The following TOP3A variants were observed in gnomAD, a reference collection of about 807,000 sequenced individuals.
TOP3A encodes the protein DNA topoisomerase 3-alpha.
In TOP3A, 64 loss-of-function variants were observed where a neutral mutation model predicts 111.3. The observed-to-expected ratio is 0.57, with a 90% CI of 0.47 to 0.71. The LOEUF is 0.71. TOP3A is among the 30% of genes least tolerant of loss of function. TOP3A has a pLI of 0.00. For missense variants in TOP3A, 1,104 were observed against 1,285.0 expected, an observed-to-expected ratio of 0.86 and a Z score of 2.15; for synonymous variants, 484 against 485.1, an observed-to-expected ratio of 1.00 and a Z score of 0.03.
At chr17:18,283,851 C>T (rs919748415) in intron 15 of TOP3A, among the ~76,000 whole-genome samples, 3 of 152,174 alleles carry the variant, frequency 2.0e-5, no homozygotes, top group Non-Finnish European at 4.4e-5. Flanking sequence ...CCGTTAATTA[C>T]AAAGGATCCA....
chr17:18,307,084 T>C (rs376134005), intron 3 of TOP3A, 118 bp from the exon 4 acceptor site: 48 of 679,462 alleles, frequency 7.1e-5, no homozygotes, highest in African/African-American at 6.9e-4. Context: ...AAGGTCCCGG[T>C]GAATTGAAAG....
At chr17:18,290,326 G>A (rs1597967248) in intron 13 of TOP3A, among the ~76,000 whole-genome samples, 1 of 152,348 alleles carries the variant, frequency 6.6e-6, no homozygotes, top group East Asian at 1.9e-4. Flanking sequence ...GGACAGCACA[G>A]TGCATGGTTT....
chr17:18,284,297 C>T (rs567348607), intron 15 of TOP3A, among the ~76,000 whole-genome samples: 2 of 152,118 alleles, frequency 1.3e-5, no homozygotes, highest in South Asian at 4.1e-4. Context: ...CAGGCGTGAG[C>T]CACCGTGCCT....
chr17:18,302,506 C>G (rs1341779594), intron 6 of TOP3A, 72 bp from the exon 7 acceptor site: 1 of 1,595,036 alleles, frequency 6.3e-7, no homozygotes, highest in Admixed American at 1.7e-5. Context: ...CTGCACATAT[C>G]GACACAGAGC....
intron 13 of TOP3A, among the ~76,000 whole-genome samples, chr17:18,288,550 T>C (rs1007499593): frequency 3.3e-5 from 5 of 152,218 alleles, no homozygotes; most frequent in Non-Finnish European, 5.9e-5. Flanking sequence ...TGTACCACCA[T>C]CTAAGCCCTT....
In TOP3A at chr17:18,306,985, CAG is replaced by C. The variant is rs758242964; in HGVS notation, c.315-21_315-20del. On this transcript the variant is annotated intron_variant, in intron 3 of 18. Coordinates refer to ENST00000321105, the MANE Select transcript of TOP3A (RefSeq NM_004618.5). ...GCTCTGCCTAGAAAAGAAATGAAAA[CAG>C]AGTCCCAACTCAGTACATGACAGAG... 1 of 1,593,588 alleles carries C rather than the reference CAG, an allele frequency of 6.3e-7. No homozygotes were observed. Among genetic ancestry groups the C allele is most frequent in the South Asian group, 1.1e-5 (1 of 90,560 alleles).
chr17:18,293,611 C>T (rs115017188), intron 10 of TOP3A, among the ~76,000 whole-genome samples: 3 of 147,978 alleles, frequency 2.0e-5, no homozygotes, highest in Non-Finnish European at 4.5e-5. Flanking sequence ...TTGTTTCCCC[C>T]CAAGAGACGG....
Position 18,278,112 on chromosome 17 carries a change from T to G in TOP3A, c.2390A>C (p.Gln797Pro). The change falls in exon 18 of 19, where the codon CAG becomes CCG. Residue 797 changes from glutamine (Q) to proline (P), a missense_variant. Coordinates refer to ENST00000321105, the MANE Select transcript of TOP3A (RefSeq NM_004618.5). ...AGCAGCCGTGGGTGGTGGGAGGGTC[T>G]GGGCCAGAGCCTTTGAGGACCCAGT... ...RQTGSSKALAQTLPPPTAAGE... is the reference protein window; with the variant it reads ...RQTGSSKALAPTLPPPTAAGE... The G allele has an allele frequency of 6.2e-7, 1 of 1,614,216 alleles. No homozygotes were observed. Among genetic ancestry groups the G allele is most frequent in the Non-Finnish European group, 8.5e-7 (1 of 1,180,030 alleles).
intron 18 of TOP3A, among the ~76,000 whole-genome samples, chr17:18,275,874 C>G (rs2142927719): frequency 6.6e-6 from 1 of 151,510 alleles, no homozygotes; most frequent in Non-Finnish European, 1.5e-5. Context: ...CCAGGATGGT[C>G]TCGATCTCCT....
intron 1 of TOP3A, chr17:18,312,556 C>G (rs888493304): frequency 5.8e-6 from 1 of 173,658 alleles, no homozygotes; most frequent in African/African-American, 2.3e-5. Flanking sequence ...CATATGAGAT[C>G]TGCTGTCACT....
intron 5 of TOP3A, 129 bp from the exon 6 acceptor site, chr17:18,302,852 T>C: frequency 9.4e-7 from 1 of 1,068,540 alleles, no homozygotes; most frequent in Non-Finnish European, 1.3e-6. Context: ...ATGACCAATT[T>C]ACCTATTAGG....
chr17:18,302,034 A>G (rs1398412988), intron 7 of TOP3A, 49 bp from the exon 8 acceptor site: 4 of 1,553,082 alleles, frequency 2.6e-6, no homozygotes, highest in Admixed American at 3.5e-5. Flanking sequence ...GAGACATGTC[A>G]TGATATGACA....
rs1025872667 is a variant in TOP3A, at chr17:18,274,226, T to G, written c.*576A>C. On this transcript the variant is annotated 3_prime_UTR_variant, in exon 19 of 19. Transcript: ENST00000321105. ...TGCTGGGATTACAGGCATGAGCCAC[T>G]GCACCCGGCCTGGGTTCTTTATTAA... The G allele has an allele frequency of 6.6e-6, 1 of 152,402 alleles. No homozygotes were observed. Among genetic ancestry groups the G allele is most frequent in the African/African-American group, 2.4e-5 (1 of 41,464 alleles). 9.4% of individuals were successfully genotyped at this position (152,402 alleles called of 1,614,324 possible).
At chr17:18,305,591 C>G (rs1981529743) in intron 4 of TOP3A, among the ~76,000 whole-genome samples, 1 of 151,932 alleles carries the variant, frequency 6.6e-6, no homozygotes, top group Non-Finnish European at 1.5e-5. Flanking sequence ...GTAATCCCAG[C>G]ACTTTGGGAG....
At chr17:18,298,949 C>T (rs947775769) in intron 9 of TOP3A, among the ~76,000 whole-genome samples, 3 of 149,580 alleles carry the variant, frequency 2.0e-5, no homozygotes, top group Admixed American at 2.0e-4. Context: ...CTAGGAAAAC[C>T]AGAGACCTTT....
intron 15 of TOP3A, 142 bp downstream of exon 15, chr17:18,285,000 C>G: frequency 1.0e-6 from 1 of 961,796 alleles, no homozygotes; most frequent in Non-Finnish European, 1.6e-6. Flanking sequence ...GTTATAAACT[C>G]TGACTGGCCC....
rs1979180588 is a variant in TOP3A, at chr17:18,274,187, A to C, written c.*615T>G. The C allele has an allele frequency of 6.6e-6, 1 of 152,220 alleles. No homozygotes were observed. Among genetic ancestry groups the C allele is most frequent in the Non-Finnish European group, 1.5e-5 (1 of 68,166 alleles). The allele number at this position is 152,220 out of a possible 1,614,324, so 9.4% of individuals were successfully genotyped here. A position where few individuals can be genotyped will look rare whatever the true frequency, so the allele number is the denominator to read the frequency against. ...CCTGAGCTCAGGCAATCCGCCCCCC[A>C]CAGCCTCCCAAAGTGCTGGGATTAC... On this transcript the variant is annotated 3_prime_UTR_variant, in exon 19 of 19. Coordinates refer to ENST00000321105, the MANE Select transcript of TOP3A (RefSeq NM_004618.5).
intron 16 of TOP3A, among the ~76,000 whole-genome samples, chr17:18,281,490 A>G (rs1468600000): frequency 6.6e-6 from 1 of 152,198 alleles, no homozygotes; most frequent in Admixed American, 6.5e-5. Context: ...GAGCTAAAAC[A>G]AAAGTAGTTA....
chr17:18,275,876 C>T (rs878951003), intron 18 of TOP3A, among the ~76,000 whole-genome samples: 4 of 151,330 alleles, frequency 2.6e-5, no homozygotes, highest in Admixed American at 2.6e-4. Context: ...AGGATGGTCT[C>T]GATCTCCTGA....
Sources: allele counts gnomAD v4.1 joint callset (sites outside exome capture counted in the v4.1 genomes callset), GRCh38; gene constraint gnomAD v4.1.1; transcripts MANE v1.5; gene names NCBI Gene and HGNC (gene_info 2026-07-23, HGNC 2026-07-21).